DPP10: variants seen among roughly 807,000 people sequenced by gnomAD.
DPP10 encodes the protein inactive dipeptidyl peptidase 10.
In DPP10, 33 loss-of-function variants were observed where a neutral mutation model predicts 120.9. That is an observed-to-expected ratio of 0.27 (90% CI 0.21 to 0.37). DPP10 has a LOEUF of 0.37. Ranked by LOEUF, DPP10 falls within the 10% of genes least tolerant of loss-of-function variation. DPP10 has a pLI of 1.00. For missense variants in DPP10, 816 were observed against 942.8 expected (o/e 0.87, Z 1.76); for synonymous variants, 337 against 326.1 (o/e 1.03, Z -0.36).
intron 1 of DPP10, among the ~76,000 whole-genome samples, chr2:115,123,239 A>C (rs557888321): frequency 6.6e-6 from 1 of 152,318 alleles, no homozygotes; most frequent in South Asian, 2.1e-4. Context: ...TATAGCAGGA[A>C]TGAAAGGAAG....
At chr2:115,289,832 A>G (rs963969638) in intron 1 of DPP10, among the ~76,000 whole-genome samples, 1 of 152,122 alleles carries the variant, frequency 6.6e-6, no homozygotes, top group Non-Finnish European at 1.5e-5. Context: ...ATCTCTCACC[A>G]TATTCACATT....
chr2:115,743,981 G>A (rs994106979), intron 9 of DPP10, among the ~76,000 whole-genome samples: 1 of 150,620 alleles, frequency 6.6e-6, no homozygotes, highest in Non-Finnish European at 1.5e-5. Flanking sequence ...CTGAATGATT[G>A]CGATGCTGTC....
chr2:114,862,562 TA>T (rs1689895657), intron 1 of DPP10, among the ~76,000 whole-genome samples: 1 of 151,230 alleles, frequency 6.6e-6, no homozygotes, highest in Non-Finnish European at 1.5e-5. Context: ...TGAGCAATGA[TA>T]AAAGAAAAAA....
At chr2:114,556,549 T>C (rs764300576) in intron 1 of DPP10, among the ~76,000 whole-genome samples, 4 of 151,956 alleles carry the variant, frequency 2.6e-5, no homozygotes, top group Non-Finnish European at 4.4e-5. Context: ...CTTTATACAG[T>C]ATGCAAATGA....
intron 3 of DPP10, among the ~76,000 whole-genome samples, chr2:115,492,633 T>G (rs1268987817): frequency 1.3e-5 from 2 of 152,144 alleles, no homozygotes; most frequent in Non-Finnish European, 2.9e-5. Flanking sequence ...GGAAAGAATT[T>G]CCTGAAATAT....
chr2:114,496,997 CAT>C (rs138864175), intron 1 of DPP10, among the ~76,000 whole-genome samples: 7 of 150,050 alleles, frequency 4.7e-5, no homozygotes, highest in Non-Finnish European at 8.9e-5. Context: ...CATACACAGA[CAT>C]ATATATATAT....
chr2:115,753,723 C>T (rs996266935), intron 11 of DPP10, among the ~76,000 whole-genome samples: 1 of 152,006 alleles, frequency 6.6e-6, no homozygotes, highest in African/African-American at 2.4e-5. Flanking sequence ...TGTTTCTGTA[C>T]TGAAATTAAG....
chr2:115,808,385 T>A (rs1026820200), intron 19 of DPP10, among the ~76,000 whole-genome samples: 1 of 152,160 alleles, frequency 6.6e-6, no homozygotes, highest in African/African-American at 2.4e-5. Context: ...CAGAGTTGCA[T>A]AGAGATAGTC....
intron 3 of DPP10, among the ~76,000 whole-genome samples, chr2:115,383,065 A>C (rs1328304955): frequency 1.3e-5 from 2 of 152,234 alleles, no homozygotes; most frequent in Non-Finnish European, 2.9e-5. Flanking sequence ...TAGAAGGAAC[A>C]CTATCAAAGA....
intron 5 of DPP10, among the ~76,000 whole-genome samples, chr2:115,535,502 T>A (rs1575118633): frequency 6.6e-6 from 1 of 151,586 alleles, no homozygotes; most frequent in Non-Finnish European, 1.5e-5. Context: ...ACCATGCTGT[T>A]TTGGTTACTG....
intron 1 of DPP10, among the ~76,000 whole-genome samples, chr2:114,677,401 G>A (rs1698739764): frequency 6.6e-6 from 1 of 152,114 alleles, no homozygotes; most frequent in Non-Finnish European, 1.5e-5. Flanking sequence ...GAATGAAAAA[G>A]TAGAGGAAAT....
chr2:114,819,429 A>G (rs949423023), intron 1 of DPP10, among the ~76,000 whole-genome samples: 3 of 152,192 alleles, frequency 2.0e-5, no homozygotes, highest in African/African-American at 7.2e-5. Flanking sequence ...AAAGTGCTAC[A>G]TGCTGTAATT....
intron 1 of DPP10, among the ~76,000 whole-genome samples, chr2:114,634,924 A>G (rs796140595): frequency 5.3e-5 from 8 of 152,024 alleles, no homozygotes; most frequent in African/African-American, 1.9e-4. Context: ...CAAAAAGCAA[A>G]CAAGCCTGGG....
At chr2:114,804,342 C>T (rs887749321) in intron 1 of DPP10, among the ~76,000 whole-genome samples, 2 of 152,158 alleles carry the variant, frequency 1.3e-5, no homozygotes, top group African/African-American at 4.8e-5. Context: ...TTGGAGACCC[C>T]ACACAGAGTC....
chr2:115,781,564 T>G (rs900787776), intron 16 of DPP10, among the ~76,000 whole-genome samples: 2 of 151,982 alleles, frequency 1.3e-5, no homozygotes, highest in Non-Finnish European at 2.9e-5. Flanking sequence ...GGTACTGTAT[T>G]TTCCAGAGAT....
At chr2:115,658,832 A>T (rs2088639783) in intron 5 of DPP10, among the ~76,000 whole-genome samples, 1 of 152,170 alleles carries the variant, frequency 6.6e-6, no homozygotes, top group African/African-American at 2.4e-5. Flanking sequence ...GGGTCCTGGG[A>T]ATATTAATTC....
At chr2:115,301,338 G>A (rs999475120) in intron 1 of DPP10, among the ~76,000 whole-genome samples, 1 of 151,644 alleles carries the variant, frequency 6.6e-6, no homozygotes, top group Non-Finnish European at 1.5e-5. Context: ...ATTCATTTTC[G>A]TCTGAGAGCT....
chr2:114,872,999 C>T lies in DPP10; in HGVS notation c.60+430161C>T, dbSNP rs140354739. 3.9e-3 allele frequency among the ~76,000 whole-genome samples: 588 copies of T among 152,274 alleles called. 3 individuals carry two copies. The highest frequency in any genetic ancestry group is 0.013 in the African/African-American group (553 of 41,552). Reference sequence around the variant, plus strand: ...TAAAACGGCTTCGCCACATGGAAACCAAGCACCCTGTATTAAATCACAAGA... The same window carrying T: ...TAAAACGGCTTCGCCACATGGAAACTAAGCACCCTGTATTAAATCACAAGA... On this transcript the variant is annotated intron_variant, in intron 1 of 25. Coordinates refer to ENST00000410059, the MANE Select transcript of DPP10 (RefSeq NM_020868.6).
chr2:115,131,524 A>G (rs1277164746), intron 1 of DPP10, among the ~76,000 whole-genome samples: 1 of 152,298 alleles, frequency 6.6e-6, no homozygotes, highest in South Asian at 2.1e-4. Flanking sequence ...AAAAGTAACA[A>G]GAAGAAGAAG....
Sources: allele counts gnomAD v4.1 joint callset (sites outside exome capture counted in the v4.1 genomes callset), GRCh38; gene constraint gnomAD v4.1.1; transcripts MANE v1.5; gene names NCBI Gene and HGNC (gene_info 2026-07-23, HGNC 2026-07-21).